The following FBXO34 variants were observed in gnomAD, a reference collection of about 807,000 sequenced individuals.
The protein encoded by FBXO34 is F-box only protein 34.
FBXO34 carries 12 observed loss-of-function variants against 24.5 expected under a neutral mutation model. That is an observed-to-expected ratio of 0.49 (90% CI 0.31 to 0.79). FBXO34 has a LOEUF of 0.79. FBXO34 is among the 30% of genes least tolerant of loss of function. FBXO34 has a pLI of 0.04. For synonymous variants in FBXO34, 320 were observed against 311.9 expected, an observed-to-expected ratio of 1.03 and a Z score of -0.27; for missense variants, 823 against 857.7, an observed-to-expected ratio of 0.96 and a Z score of 0.51.
At chr14:55,274,664 TA>T (rs1239403663) in intron 1 of FBXO34, among the ~76,000 whole-genome samples, 1 of 152,164 alleles carries the variant, frequency 6.6e-6, no homozygotes, top group African/African-American at 2.4e-5. Context: ...TCAGTTATTT[TA>T]TTAACATTTA....
the FBXO34 span, among the ~76,000 whole-genome samples, chr14:55,400,601 T>G: frequency 6.6e-6 from 1 of 152,132 alleles, no homozygotes; most frequent in African/African-American, 2.4e-5. Context: ...CATGAGAAAT[T>G]CCTACAAATA....
downstream of FBXO34, among the ~76,000 whole-genome samples, chr14:55,355,514 T>C (rs1884507405): frequency 6.6e-6 from 1 of 152,184 alleles, no homozygotes. Context: ...GAAAAAAACA[T>C]TGTGTTTGTA....
the FBXO34 span, among the ~76,000 whole-genome samples, chr14:55,440,128 A>ATC: frequency 1.5e-3 from 221 of 152,010 alleles, 1 homozygote; most frequent in Middle Eastern, 3.4e-3. Flanking sequence ...CAATCAATCA[A>ATC]AAACCAGAAC....
chr14:55,291,934 C>T (rs1732948099), intron 1 of FBXO34, among the ~76,000 whole-genome samples: 1 of 152,062 alleles, frequency 6.6e-6, no homozygotes, highest in Admixed American at 6.6e-5. Flanking sequence ...CCACCGCTCT[C>T]CAGCCTGCGT....
At chr14:55,304,582 G>T (rs1882476294) in intron 1 of FBXO34, among the ~76,000 whole-genome samples, 2 of 152,078 alleles carry the variant, frequency 1.3e-5, no homozygotes, top group South Asian at 2.1e-4. Context: ...CTCATTGTAA[G>T]GTCAAACTCC....
chr14:55,275,188 C>T (rs1441968029), intron 1 of FBXO34, among the ~76,000 whole-genome samples: 1 of 152,196 alleles, frequency 6.6e-6, no homozygotes, highest in African/African-American at 2.4e-5. Context: ...TTCATTCCCA[C>T]CTCCATCTTC....
intron 1 of FBXO34, among the ~76,000 whole-genome samples, chr14:55,304,480 T>C (rs369553269): frequency 1.3e-5 from 2 of 152,004 alleles, no homozygotes; most frequent in Admixed American, 1.3e-4. Context: ...GCATGAGCCA[T>C]AGCAGCCAGC....
chr14:55,338,924 A>C (rs1027632315), intron 1 of FBXO34, among the ~76,000 whole-genome samples: 11 of 72,772 alleles, frequency 1.5e-4, no homozygotes, highest in South Asian at 4.6e-4. Flanking sequence ...AAAAAAACAA[A>C]AAAAAAAAAG....
chr14:55,383,335 G>A, the FBXO34 span, among the ~76,000 whole-genome samples: 1 of 152,166 alleles, frequency 6.6e-6, no homozygotes, highest in South Asian at 2.1e-4. Context: ...CAGATCACTT[G>A]AGGTCAGGAA....
the FBXO34 span, among the ~76,000 whole-genome samples, chr14:55,383,341 A>G: frequency 3.9e-5 from 6 of 152,192 alleles, no homozygotes; most frequent in Admixed American, 2.6e-4. Context: ...ACTTGAGGTC[A>G]GGAATTCGAG....
chr14:55,279,017 C>G (rs1421292533), intron 1 of FBXO34, among the ~76,000 whole-genome samples: 1 of 152,040 alleles, frequency 6.6e-6, no homozygotes, highest in African/African-American at 2.4e-5. Context: ...TTAGTGAAGG[C>G]CGGGCGTGGT....
At chr14:55,416,671 A>G in the FBXO34 span, among the ~76,000 whole-genome samples, 2 of 152,216 alleles carry the variant, frequency 1.3e-5, no homozygotes, top group Admixed American at 1.3e-4. Flanking sequence ...TTTAGAAACT[A>G]AACAGTGAGT....
intron 1 of FBXO34, among the ~76,000 whole-genome samples, chr14:55,332,529 T>G (rs1883631613): frequency 6.6e-6 from 1 of 152,170 alleles, no homozygotes. Flanking sequence ...TAGAAGTGTT[T>G]TTGGATAAAA....
the FBXO34 span, chr14:55,440,507 C>T: frequency 4.3e-6 from 7 of 1,611,600 alleles, no homozygotes; most frequent in Non-Finnish European, 5.9e-6. Context: ...GCGGAGCGAG[C>T]AGCCTCGGAA....
At chr14:55,393,152 T>A in the FBXO34 span, among the ~76,000 whole-genome samples, 53 of 152,130 alleles carry the variant, frequency 3.5e-4, no homozygotes, top group Middle Eastern at 3.4e-3. Flanking sequence ...GAGGCCAAGG[T>A]GGGCGGATCA....
chr14:55,406,772 G>A, the FBXO34 span, among the ~76,000 whole-genome samples: 1 of 152,150 alleles, frequency 6.6e-6, no homozygotes, highest in Non-Finnish European at 1.5e-5. Flanking sequence ...TGGAGAGTTA[G>A]GTGAAGCTGA....
At chr14:55,371,275 A>G (rs1198372119), downstream of FBXO34, among the ~76,000 whole-genome samples, 1 of 152,220 alleles carries the variant, frequency 6.6e-6, no homozygotes, top group Non-Finnish European at 1.5e-5. Flanking sequence ...CACAGCCTTC[A>G]CAATGATGAA....
chr14:55,315,388 A>G (rs965943444), intron 1 of FBXO34, among the ~76,000 whole-genome samples: 4 of 152,088 alleles, frequency 2.6e-5, no homozygotes, highest in Admixed American at 2.6e-4. Context: ...TTTTATGTAT[A>G]CCTGTTATCC....
At chr14:55,301,994 C>T (rs1014901848) in intron 1 of FBXO34, among the ~76,000 whole-genome samples, 11 of 152,190 alleles carry the variant, frequency 7.2e-5, no homozygotes, top group Non-Finnish European at 1.2e-4. Flanking sequence ...GGATTACCAG[C>T]AAGGCAGAGT....
Sources: allele counts gnomAD v4.1 joint callset (sites outside exome capture counted in the v4.1 genomes callset), GRCh38; gene constraint gnomAD v4.1.1; transcripts MANE v1.5; gene names NCBI Gene and HGNC (gene_info 2026-07-23, HGNC 2026-07-21).